ATXN1: variants seen among roughly 807,000 people sequenced by gnomAD.
ATXN1 encodes the protein ataxin-1.
In ATXN1, 8 loss-of-function variants were observed where a neutral mutation model predicts 56.4. The observed-to-expected ratio is 0.14, with a 90% CI of 0.08 to 0.26. The LOEUF (loss-of-function observed/expected upper bound fraction) is 0.26, where lower values mean the gene tolerates loss of function less well. ATXN1 is among the 10% of genes least tolerant of loss of function. The pLI, the probability that ATXN1 is intolerant of heterozygous loss-of-function variation, is 1.00. For synonymous variants in ATXN1, 514 were observed against 494.6 expected (o/e 1.04, Z -0.52); for missense variants, 987 against 1,106.5 (o/e 0.89, Z 1.53).
At chr6:16,566,694 A>G (rs949291368) in intron 4 of ATXN1, among the ~76,000 whole-genome samples, 8 of 152,138 alleles carry the variant, frequency 5.3e-5, no homozygotes, top group East Asian at 3.9e-4. Flanking sequence ...TCTACTAAAA[A>G]TACAAAAAAA....
intron 7 of ATXN1, among the ~76,000 whole-genome samples, chr6:16,322,774 C>T (rs1237405162): frequency 1.3e-5 from 2 of 152,354 alleles, no homozygotes; most frequent in East Asian, 3.9e-4. Flanking sequence ...TGAGTCTCCA[C>T]TGACTCTGAA....
chr6:16,437,437 C>A (rs1054510974), intron 6 of ATXN1, among the ~76,000 whole-genome samples: 1 of 152,210 alleles, frequency 6.6e-6, no homozygotes. Context: ...CAGATCTCAG[C>A]GCTCTTCCCC....
rs186037787 is a variant in ATXN1, at chr6:16,726,986, T to G, written c.-615+26247A>C. 2.0e-3 allele frequency among the ~76,000 whole-genome samples: 304 copies of G among 152,282 alleles called. 1 individual carries two copies. The highest frequency in any genetic ancestry group is 5.5e-3 in the African/African-American group (230 of 41,548). ...TCTGGATCTGGGCCAGTATGACAAA[T>G]ATTACAAAAGCTATTTTTTCCAGAA... On this transcript the variant is annotated intron_variant, in intron 2 of 7. Transcript: ENST00000436367.
chr6:16,549,207 G>C (rs1761871502), intron 4 of ATXN1, among the ~76,000 whole-genome samples: 2 of 151,866 alleles, frequency 1.3e-5, no homozygotes, highest in African/African-American at 4.8e-5. Context: ...ATGATCAAAA[G>C]TATAGTATAG....
intron 4 of ATXN1, among the ~76,000 whole-genome samples, chr6:16,534,862 G>A (rs1390093441): frequency 6.6e-6 from 1 of 152,166 alleles, no homozygotes; most frequent in Admixed American, 6.5e-5. Flanking sequence ...TTCTTTGAAT[G>A]CTCTTAGGCT....
chr6:16,672,209 T>G (rs1406136148), intron 2 of ATXN1, among the ~76,000 whole-genome samples: 1 of 152,240 alleles, frequency 6.6e-6, no homozygotes, highest in Non-Finnish European at 1.5e-5. Context: ...TCTTGTTTAC[T>G]CCCTTACTGA....
intron 2 of ATXN1, among the ~76,000 whole-genome samples, chr6:16,710,431 G>T (rs1176937439): frequency 6.6e-6 from 1 of 151,986 alleles, no homozygotes; most frequent in Non-Finnish European, 1.5e-5. Flanking sequence ...TTTTTGGGGG[G>T]TAGGGGGATT....
chr6:16,588,610 T>C (rs940182333), intron 3 of ATXN1, among the ~76,000 whole-genome samples: 1 of 152,218 alleles, frequency 6.6e-6, no homozygotes. Flanking sequence ...TTGTAACTTT[T>C]ACATTTTTTG....
At chr6:16,610,844 C>T (rs192668817) in intron 3 of ATXN1, among the ~76,000 whole-genome samples, 10 of 143,290 alleles carry the variant, frequency 7.0e-5, no homozygotes, top group Admixed American at 5.1e-4. Context: ...GACAACACAT[C>T]GAGACGTCAT....
intron 2 of ATXN1, among the ~76,000 whole-genome samples, chr6:16,676,793 A>C (rs1254167909): frequency 6.6e-6 from 1 of 152,170 alleles, no homozygotes; most frequent in African/African-American, 2.4e-5. Context: ...TCTTCCTACC[A>C]GATTTAACTA....
At chr6:16,405,236 A>G (rs1365785247) in intron 6 of ATXN1, among the ~76,000 whole-genome samples, 2 of 152,246 alleles carry the variant, frequency 1.3e-5, no homozygotes, top group Non-Finnish European at 2.9e-5. Flanking sequence ...CTTTTGATTA[A>G]AGACACAGTC....
chr6:16,466,141 C>T (rs1351690114), intron 6 of ATXN1, among the ~76,000 whole-genome samples: 1 of 151,738 alleles, frequency 6.6e-6, no homozygotes, highest in African/African-American at 2.4e-5. Context: ...ACAGTGAAAC[C>T]CCATCTCTAC....
chr6:16,419,532 T>C (rs2113563529), intron 6 of ATXN1, among the ~76,000 whole-genome samples: 2 of 152,298 alleles, frequency 1.3e-5, no homozygotes, highest in South Asian at 4.1e-4. Context: ...CATGGAGTAC[T>C]TTCCAGGGTG....
chr6:16,736,217 T>C (rs531651426), intron 2 of ATXN1, among the ~76,000 whole-genome samples: 22 of 152,368 alleles, frequency 1.4e-4, no homozygotes, highest in Non-Finnish European at 2.6e-4. Context: ...AATTTTATTA[T>C]CAAAGTATTA....
chr6:16,445,531 T>C (rs554929541), intron 6 of ATXN1, among the ~76,000 whole-genome samples: 2 of 152,174 alleles, frequency 1.3e-5, no homozygotes, highest in Admixed American at 1.3e-4. Context: ...AGTTTTTATA[T>C]TATTATTATA....
rs113402430 is a variant in ATXN1 at position 16,584,633 on chromosome 6, AC to A, written c.-361+1146del. Among the ~76,000 whole-genome samples the A allele has an allele frequency of 1.1e-3, 155 of 146,040 alleles. 2 individuals are homozygous for A. The highest frequency in any genetic ancestry group is 3.3e-3 in the African/African-American group (126 of 37,724). On this transcript the variant is annotated intron_variant, in intron 4 of 7. Transcript: ENST00000436367. ...GTACAATTTACTTGACTTACAAATG[AC>A]CCCCCCCACCCCCAAAACCCAAAAT...
intron 2 of ATXN1, among the ~76,000 whole-genome samples, chr6:16,701,508 TAA>T: frequency 6.6e-6 from 1 of 152,264 alleles, no homozygotes; most frequent in South Asian, 2.1e-4. Flanking sequence ...GAGAAGGAAA[TAA>T]AGAGTATTCA....
intron 2 of ATXN1, among the ~76,000 whole-genome samples, chr6:16,730,335 T>C (rs1397561244): frequency 2.6e-5 from 4 of 152,028 alleles, no homozygotes; most frequent in Admixed American, 1.3e-4. Flanking sequence ...ATTTCCTTTA[T>C]AAAATTAGAT....
intron 3 of ATXN1, among the ~76,000 whole-genome samples, chr6:16,597,296 C>T (rs1352489855): frequency 6.6e-6 from 1 of 152,238 alleles, no homozygotes; most frequent in Non-Finnish European, 1.5e-5. Flanking sequence ...TGCCCCTTGG[C>T]CCTGTTGGGC....
Sources: allele counts gnomAD v4.1 joint callset (sites outside exome capture counted in the v4.1 genomes callset), GRCh38; gene constraint gnomAD v4.1.1; transcripts MANE v1.5; gene names NCBI Gene and HGNC (gene_info 2026-07-23, HGNC 2026-07-21).